Variants in RALGAPB observed in about 807,000 individuals in gnomAD.
RALGAPB encodes Ral GTPase activating protein non-catalytic subunit beta, also known as ral GTPase-activating protein subunit beta.
RALGAPB carries 25 observed loss-of-function variants against 161.1 expected under a neutral mutation model. That is an observed-to-expected ratio of 0.16 (90% confidence interval 0.11 to 0.22). The LOEUF is 0.22. Ranked by LOEUF, RALGAPB falls within the 10% of genes least tolerant of loss-of-function variation. The pLI is 1.00. For synonymous variants in RALGAPB, 629 were observed against 626.1 expected (o/e 1.00, Z -0.07); for missense variants, 1,391 against 1,815.2 (o/e 0.77, Z 4.25).
At chr20:38,518,268 G>T (rs960920235) in intron 9 of RALGAPB, among the ~76,000 whole-genome samples, 3 of 152,142 alleles carry the variant, frequency 2.0e-5, no homozygotes. Flanking sequence ...TGTTGAATCA[G>T]ATTTCTTTCA....
chr20:38,492,904 C>T, intron 2 of RALGAPB, 26 bp from the exon 3 acceptor site: 1 of 1,548,878 alleles, frequency 6.5e-7, no homozygotes, highest in South Asian at 1.1e-5. Flanking sequence ...TGTAATAATT[C>T]TATATGGATA....
chr20:38,519,847 G>A (rs1173539493), intron 9 of RALGAPB, among the ~76,000 whole-genome samples: 1 of 152,158 alleles, frequency 6.6e-6, no homozygotes, highest in African/African-American at 2.4e-5. Flanking sequence ...CTGCCATGCA[G>A]TTCACCTCTA....
In RALGAPB at chr20:38,576,511, A is replaced by G. The variant is rs1344582707; in HGVS notation, c.*1544A>G. On this transcript the variant is annotated 3_prime_UTR_variant, in exon 30 of 30. Coordinates refer to ENST00000262879, the MANE Select transcript of RALGAPB (RefSeq NM_020336.4). Reference sequence around the variant, plus strand: ...AGCTCTTGGTTTAAAGTTTGCCATAACCTGTTCATGTTTGTTTTAAGCTCA... The same window carrying G: ...AGCTCTTGGTTTAAAGTTTGCCATAGCCTGTTCATGTTTGTTTTAAGCTCA... 2.6e-5 allele frequency: 4 copies of G among 152,196 alleles called. No individual in the cohort carries two copies. Among genetic ancestry groups the G allele is most frequent in the Non-Finnish European group, 5.9e-5 (4 of 68,030 alleles). The allele number at this position is 152,196 out of a possible 1,614,324, so 9.4% of individuals were successfully genotyped here. A position where few individuals can be genotyped will look rare whatever the true frequency, so the allele number is the denominator to read the frequency against.
intron 4 of RALGAPB, 51 bp from the exon 5 acceptor site, chr20:38,499,396 T>A: frequency 6.7e-7 from 1 of 1,488,064 alleles, no homozygotes; most frequent in Non-Finnish European, 9.1e-7. Context: ...TCTTAAAGAT[T>A]CTGCTTTAAA....
At chr20:38,531,047 A>T in intron 13 of RALGAPB, 120 bp from the exon 14 acceptor site, 1 of 786,256 alleles carries the variant, frequency 1.3e-6, no homozygotes, top group Non-Finnish European at 2.1e-6. Flanking sequence ...TTTCATGGGT[A>T]TTTCAGGAAT....
At position 38,535,121 on chromosome 20, in the gene RALGAPB, C is replaced by G; in HGVS notation, c.2293C>G (p.Leu765Val). Residue 765 changes from leucine (L) to valine (V), a missense_variant, in exon 16 of 30, where the codon CTC becomes GTC. Leu to Val is a conservative substitution (Grantham distance 32). This residue lies in a region of RALGAPB where 946 missense variants were observed against 1,257.2 expected (regional missense o/e 0.75). Transcript: ENST00000262879. ...AAGLLIRSIH[L>V]VTQRLNSQWR... is the part of the protein sequence containing the mutation. ...TGGGCTCCTGATTCGCAGCATTCAT[C>G]TCGTCACCCAAAGACTCAACTCCCA... The G allele has an allele frequency of 2.5e-6, 4 of 1,613,964 alleles. No homozygotes were observed. Among genetic ancestry groups the G allele is most frequent in the Non-Finnish European group, 3.4e-6 (4 of 1,179,800 alleles).
At chr20:38,477,727 A>G (rs1476663938) in intron 1 of RALGAPB, among the ~76,000 whole-genome samples, 1 of 152,192 alleles carries the variant, frequency 6.6e-6, no homozygotes, top group Admixed American at 6.5e-5. Flanking sequence ...TACATTTCAA[A>G]GTATGTCAAC....
Position 38,570,786 on chromosome 20 carries a change from G to C in RALGAPB, c.4081G>C (p.Glu1361Gln). 1 of 1,606,150 alleles carries C rather than the reference G, an allele frequency of 6.2e-7. No individual in the cohort carries two copies. The highest frequency in any genetic ancestry group is 8.5e-7 in the Non-Finnish European group (1 of 1,173,458). ...YDDIENFPLS[E>Q]LMTEISTGVE... Reference sequence around the variant, plus strand: ...TCTTCCAGAAAACTTTCCCCTCTCAGAGCTGATGACAGAGATCAGTACTGG... The same window carrying C: ...TCTTCCAGAAAACTTTCCCCTCTCACAGCTGATGACAGAGATCAGTACTGG... The change falls in exon 28 of 30, where the codon GAG (glutamate) becomes CAG (glutamine). Residue 1361 changes from glutamate to glutamine, a missense_variant. Coordinates refer to ENST00000262879, the MANE Select transcript of RALGAPB (RefSeq NM_020336.4).
At chr20:38,489,000 A>G (rs1033091996) in intron 2 of RALGAPB, among the ~76,000 whole-genome samples, 1 of 151,974 alleles carries the variant, frequency 6.6e-6, no homozygotes, top group Non-Finnish European at 1.5e-5. Flanking sequence ...CCTCATCCCT[A>G]CCTCTGGATG....
chr20:38,541,927 A>T (rs1403871081), intron 18 of RALGAPB, among the ~76,000 whole-genome samples: 1 of 152,178 alleles, frequency 6.6e-6, no homozygotes, highest in Middle Eastern at 3.2e-3. Context: ...AGGCACCACG[A>T]CTGCTGTTTT....
chr20:38,519,024 A>G (rs6070446), intron 9 of RALGAPB, among the ~76,000 whole-genome samples: 5,060 of 152,248 alleles, frequency 0.033, 129 homozygotes, highest in African/African-American at 0.071. Context: ...ATGTCTGTGA[A>G]CATTATACTC....
At chr20:38,497,190 T>G (rs2085451997) in intron 3 of RALGAPB, among the ~76,000 whole-genome samples, 163 bp from the exon 4 acceptor site, 1 of 152,060 alleles carries the variant, frequency 6.6e-6, no homozygotes, top group Non-Finnish European at 1.5e-5. Flanking sequence ...TTACGACGAG[T>G]AAGAAGTAGC....
chr20:38,550,699 T>G (rs2145434690), intron 20 of RALGAPB, among the ~76,000 whole-genome samples: 1 of 152,272 alleles, frequency 6.6e-6, no homozygotes, highest in African/African-American at 2.4e-5. Context: ...GAAGCCAAAC[T>G]TGTCTTTAAT....
At chr20:38,563,886 A>ATAT (rs2087885565) in intron 24 of RALGAPB, among the ~76,000 whole-genome samples, 1 of 152,160 alleles carries the variant, frequency 6.6e-6, no homozygotes, top group Admixed American at 6.5e-5. Context: ...GGCTTCTCTA[A>ATAT]TAGTGCAGAA....
At chr20:38,499,816 A>C in intron 5 of RALGAPB, 183 bp downstream of exon 5, 1 of 434,108 alleles carries the variant, frequency 2.3e-6, no homozygotes, top group Admixed American at 4.4e-5. Context: ...ACATTTCAGA[A>C]TAATCAAGTA....
intron 3 of RALGAPB, among the ~76,000 whole-genome samples, chr20:38,493,870 C>A (rs963877856): frequency 2.0e-5 from 3 of 152,108 alleles, no homozygotes; most frequent in African/African-American, 7.2e-5. Context: ...GTAGTCTGGC[C>A]CCTAACTAGA....
chr20:38,526,365 C>T (rs574904785), intron 13 of RALGAPB, among the ~76,000 whole-genome samples: 2 of 152,092 alleles, frequency 1.3e-5, no homozygotes, highest in South Asian at 2.1e-4. Context: ...TTCCTCCTGC[C>T]TCTTTCTCTT....
chr20:38,498,293 A>G (rs1017441764), intron 4 of RALGAPB, among the ~76,000 whole-genome samples: 2 of 152,184 alleles, frequency 1.3e-5, no homozygotes, highest in African/African-American at 4.8e-5. Context: ...ATAAGACTTT[A>G]CAGTGTATTT....
chr20:38,491,288 T>G (rs1324450885), intron 2 of RALGAPB, among the ~76,000 whole-genome samples: 1 of 152,246 alleles, frequency 6.6e-6, no homozygotes, highest in Non-Finnish European at 1.5e-5. Flanking sequence ...TGGCCATCCT[T>G]TTTAGCTTTG....
Sources: gnomAD v4.1 joint callset for allele counts (sites outside exome capture counted in the v4.1 genomes callset) on GRCh38, gnomAD v4.1.1 for gene constraint, gnomAD v4.1.1 regional missense constraint, MANE v1.5 for transcripts, NCBI Gene and HGNC (gene_info 2026-07-23, HGNC 2026-07-21) for gene names.